TGM6: variants seen among roughly 807,000 people sequenced by gnomAD.
The protein encoded by TGM6 is transglutaminase 6.
In TGM6, 74 loss-of-function variants were observed where a neutral mutation model predicts 77.5. The ratio of observed to expected loss-of-function variants is 0.96; its 90% confidence interval spans 0.79 to 1.16. The LOEUF (loss-of-function observed/expected upper bound fraction) is 1.16, where lower values mean the gene tolerates loss of function less well. Among genes scored for constraint, TGM6 ranks in the 50% most tolerant of loss-of-function variants. The pLI is 0.00. For missense variants in TGM6, 968 were observed against 940.2 expected (o/e 1.03, Z -0.39); for synonymous variants, 383 against 378.9 (o/e 1.01, Z -0.12).
At position 2,432,482 on chromosome 20, in the gene TGM6, T is replaced by C; in HGVS notation, c.1968-8T>C. Reference sequence around the variant, plus strand: ...ACAGTCTGCCTTTCTCCCCTCCCCTTCCTCCAGCGTGCCTACCCTGGAGCC... The same window carrying C: ...ACAGTCTGCCTTTCTCCCCTCCCCTCCCTCCAGCGTGCCTACCCTGGAGCC... On this transcript the variant is annotated splice_region_variant and splice_polypyrimidine_tract_variant and intron_variant, in intron 12 of 12. Coordinates refer to ENST00000202625, the MANE Select transcript of TGM6 (RefSeq NM_198994.3). The C allele has an allele frequency of 6.2e-7, 1 of 1,613,862 alleles. No individual in the cohort carries two copies. Among genetic ancestry groups the C allele is most frequent in the Non-Finnish European group, 8.5e-7 (1 of 1,179,962 alleles).
chr20:2,429,958 C>T (rs183074450), intron 10 of TGM6, among the ~76,000 whole-genome samples: 24 of 152,204 alleles, frequency 1.6e-4, no homozygotes, highest in Non-Finnish European at 3.2e-4. Flanking sequence ...CAGGACTGGG[C>T]CTTCATGGAG....
At chr20:2,424,032 G>A (rs2084872661) in intron 10 of TGM6, among the ~76,000 whole-genome samples, 1 of 152,192 alleles carries the variant, frequency 6.6e-6, no homozygotes, top group Non-Finnish European at 1.5e-5. Flanking sequence ...ATAAACAGAT[G>A]TGCTATCATC....
chr20:2,429,534 G>T (rs1568672859), intron 10 of TGM6, among the ~76,000 whole-genome samples: 1 of 151,954 alleles, frequency 6.6e-6, no homozygotes, highest in Non-Finnish European at 1.5e-5. Context: ...ACTTTAGGAG[G>T]CCAAGGCGAG....
rs145650194 is a variant in TGM6 at position 2,417,251 on chromosome 20, G to C, written c.1356G>C (p.Gln452His). Residue 452 changes from glutamine (Q) to histidine (H), a missense_variant, in exon 10 of 13, where the codon CAG becomes CAC. Transcript: ENST00000202625. ...KYPEGSRKER[Q>H]VYSKAVNRLF... ...CTGCAGGGTCCCGGAAAGAGAGGCAGGTGTACAGCAAGGCGGTGAACAGGC... is the reference window on the plus strand; with the variant it reads ...CTGCAGGGTCCCGGAAAGAGAGGCACGTGTACAGCAAGGCGGTGAACAGGC... The C allele has an allele frequency of 1.2e-6, 2 of 1,605,926 alleles. No homozygotes were observed. Among genetic ancestry groups the C allele is most frequent in the South Asian group, 2.2e-5 (2 of 89,608 alleles).
intron 1 of TGM6, among the ~76,000 whole-genome samples, chr20:2,386,221 A>G (rs1666773811): frequency 6.6e-6 from 1 of 152,122 alleles, no homozygotes; most frequent in Non-Finnish European, 1.5e-5. Context: ...CCCCTGCAGA[A>G]TCCTGGACCC....
chr20:2,430,028 C>T (rs1189336450), intron 10 of TGM6, among the ~76,000 whole-genome samples: 1 of 152,138 alleles, frequency 6.6e-6, no homozygotes, highest in East Asian at 1.9e-4. Context: ...TTGAGGCATG[C>T]CTTTGGTCTT....
At chr20:2,399,278 T>C (rs991554931) in intron 5 of TGM6, among the ~76,000 whole-genome samples, 3 of 152,194 alleles carry the variant, frequency 2.0e-5, no homozygotes, top group African/African-American at 7.2e-5. Context: ...CTATAATGAT[T>C]ATGCCAACAG....
At chr20:2,431,733 G>T (rs1217787776) in intron 12 of TGM6, among the ~76,000 whole-genome samples, 1 of 152,244 alleles carries the variant, frequency 6.6e-6, no homozygotes, top group African/African-American at 2.4e-5. Flanking sequence ...TCCCAGTGGA[G>T]CTGGTGTTTG....
At chr20:2,382,764 G>T (rs2084565071) in intron 1 of TGM6, among the ~76,000 whole-genome samples, 1 of 152,070 alleles carries the variant, frequency 6.6e-6, no homozygotes, top group South Asian at 2.1e-4. Flanking sequence ...TCTTCCTGGA[G>T]CTCCTTCTAT....
Position 2,403,429 on chromosome 20 carries a change from C to T in TGM6, c.1022C>T (p.Ala341Val), listed in dbSNP as rs375791613. ...NFHVWNESWF[A>V]RQDLGPSYNG... ...CATGTCTGGAATGAGAGCTGGTTTG[C>T]CCGGCAGGACCTAGGCCCCTCTTAC... Residue 341 changes from alanine (A) to valine (V), a missense_variant, in exon 8 of 13, where the codon GCC (alanine) becomes GTC (valine). Physicochemically the swap from Ala to Val is moderately conservative, Grantham distance 64. Coordinates refer to ENST00000202625, the MANE Select transcript of TGM6 (RefSeq NM_198994.3). The T allele has an allele frequency of 1.9e-6, 3 of 1,614,162 alleles. No individual in the cohort carries two copies. The highest frequency in any genetic ancestry group is 1.1e-5 in the South Asian group (1 of 91,080).
rs1266869904 is a variant in TGM6 at position 2,403,405 on chromosome 20, A to G, written c.998A>G (p.His333Arg). ...TCCTCTCTCTGTGGCAGGAATTTCC[A>G]TGTCTGGAATGAGAGCTGGTTTGCC... is the stretch of plus-strand genomic sequence containing the variant. The part of the protein sequence containing the change: ...DLTEDSMWNF[H>R]VWNESWFARQ... Residue 333 changes from histidine (H) to arginine (R), a missense_variant, in exon 8 of 13, where the codon CAT becomes CGT. Transcript: ENST00000202625. The G allele has an allele frequency of 1.9e-6, 3 of 1,613,898 alleles. No homozygotes were observed. The African/African-American group carries it at 4.0e-5, about 22-fold the overall frequency.
intron 10 of TGM6, among the ~76,000 whole-genome samples, chr20:2,421,094 C>G (rs1447538857): frequency 2.6e-5 from 4 of 152,050 alleles, no homozygotes; most frequent in Non-Finnish European, 4.4e-5. Flanking sequence ...TCAAGTGATT[C>G]TCCTGCCTCA....
At position 2,386,094 on chromosome 20, in the gene TGM6, G is replaced by A. The variant is rs896962327; in HGVS notation, c.7+5119G>A. On this transcript the variant is annotated intron_variant, in intron 1 of 12. Coordinates refer to ENST00000202625, the MANE Select transcript of TGM6 (RefSeq NM_198994.3). ...ATCCCAAGTGCACATCTATCTCCTC[G>A]CCTTGGGCTGCCGTATACCTAGGAG... Among the ~76,000 whole-genome samples, 11 of 152,242 alleles carry A rather than the reference G, an allele frequency of 7.2e-5. No individual in the cohort carries two copies. The East Asian group carries it at 2.1e-3, about 29-fold the overall frequency.
At chr20:2,401,333 C>T (rs1568659786) in intron 7 of TGM6, among the ~76,000 whole-genome samples, 2 of 152,204 alleles carry the variant, frequency 1.3e-5, no homozygotes, top group South Asian at 4.1e-4. Flanking sequence ...GTTCCCCAGC[C>T]TCCCCATCCT....
chr20:2,420,437 G>C (rs1195492237), intron 10 of TGM6, among the ~76,000 whole-genome samples: 1 of 152,126 alleles, frequency 6.6e-6, no homozygotes, highest in Non-Finnish European at 1.5e-5. Flanking sequence ...TTGCTTTAGT[G>C]TGGTACATTT....
intron 10 of TGM6, among the ~76,000 whole-genome samples, chr20:2,423,495 T>C (rs908275547): frequency 3.3e-5 from 5 of 152,216 alleles, no homozygotes; most frequent in Admixed American, 3.3e-4. Context: ...TGTTCAAGTT[T>C]TACCATCAGA....
Position 2,394,595 on chromosome 20 carries a change from G to A in TGM6, c.151G>A (p.Glu51Lys), listed in dbSNP as rs2122345666. 3 of 1,612,026 alleles carry A rather than the reference G, an allele frequency of 1.9e-6. No homozygotes were observed. Among genetic ancestry groups the A allele is most frequent in the African/African-American group, 2.7e-5 (2 of 75,006 alleles). Reference protein sequence around the residue: ...TLELSRALDCEEILIFTMETG... With the variant: ...TLELSRALDCKEILIFTMETG... ...GGAGCTGAGCAGAGCCCTGGACTGT[G>A]AGGAGATCCTCATCTTCACGATGGA... is the stretch of plus-strand genomic sequence containing the variant. Residue 51 changes from glutamate to lysine, a missense_variant, in exon 2 of 13, where the codon GAG (glutamate) becomes AAG (lysine). Transcript: ENST00000202625.
Position 2,381,396 on chromosome 20 carries a change from G to A in TGM6, c.7+421G>A, listed in dbSNP as rs377130062. Among the ~76,000 whole-genome samples the A allele has an allele frequency of 5.9e-5, 9 of 152,248 alleles. No individual in the cohort carries two copies. In the South Asian group the frequency reaches 8.3e-4, roughly 14 times the overall value. ...AGAGGCCCCCACCGGCTGCATCCTC[G>A]CCTGATTCCCACCCCAAGCACTTGA... is the stretch of plus-strand genomic sequence containing the variant. On this transcript the variant is annotated intron_variant, in intron 1 of 12. Transcript: ENST00000202625.
intron 10 of TGM6, among the ~76,000 whole-genome samples, chr20:2,418,268 G>C (rs968641150): frequency 2.0e-5 from 3 of 152,310 alleles, no homozygotes; most frequent in Admixed American, 6.5e-5. Context: ...CAAAGTGCTG[G>C]GATGACAGGC....
Sources: gnomAD v4.1 joint callset for allele counts (sites outside exome capture counted in the v4.1 genomes callset) on GRCh38, gnomAD v4.1.1 for gene constraint, MANE v1.5 for transcripts, NCBI Gene and HGNC (gene_info 2026-07-23, HGNC 2026-07-21) for gene names.